The following SLC38A4 variants were observed in gnomAD, a reference collection of about 807,000 sequenced individuals.
SLC38A4 encodes sodium-coupled neutral amino acid transporter 4.
Under a neutral mutation model 63.1 loss-of-function variants are expected in SLC38A4, and 20 were observed. That is an observed-to-expected ratio of 0.32 (90% CI 0.22 to 0.46). The LOEUF (loss-of-function observed/expected upper bound fraction) is 0.46. SLC38A4 is among the 20% of genes least tolerant of loss of function. The pLI is 1.00. For missense variants in SLC38A4, 526 were observed against 663.6 expected, an observed-to-expected ratio of 0.79 and a Z score of 2.28; for synonymous variants, 230 against 225.5, an observed-to-expected ratio of 1.02 and a Z score of -0.18.
intron 5 of SLC38A4, among the ~76,000 whole-genome samples, chr12:46,787,108 C>T (rs893702814): frequency 6.6e-6 from 1 of 152,172 alleles, no homozygotes; most frequent in South Asian, 2.1e-4. Flanking sequence ...ATGCTGCTAC[C>T]CTTAGGCAGC....
intron 2 of SLC38A4, among the ~76,000 whole-genome samples, chr12:46,801,536 G>A (rs1036407606): frequency 5.3e-5 from 8 of 152,040 alleles, no homozygotes; most frequent in African/African-American, 1.9e-4. Context: ...CATCTTTCAT[G>A]CCTACCCAGT....
intron 10 of SLC38A4, 126 bp from the exon 11 acceptor site, chr12:46,778,902 T>A: frequency 2.5e-6 from 2 of 813,522 alleles, no homozygotes; most frequent in Non-Finnish European, 3.8e-6. Flanking sequence ...CCTTTTAGAC[T>A]AATGGACAAA....
intron 1 of SLC38A4, among the ~76,000 whole-genome samples, chr12:46,806,945 A>G (rs1335220493): frequency 3.3e-5 from 5 of 152,098 alleles, no homozygotes; most frequent in Non-Finnish European, 7.4e-5. Context: ...ACCTCCAACA[A>G]TGACCTTAAA....
intron 14 of SLC38A4, among the ~76,000 whole-genome samples, chr12:46,773,047 A>C (rs1460873039): frequency 2.0e-5 from 3 of 152,102 alleles, no homozygotes; most frequent in South Asian, 4.1e-4. Context: ...AAGAAAAAAA[A>C]TTGAATTTAG....
chr12:46,769,204 G>T, intron 15 of SLC38A4, 80 bp downstream of exon 15: 1 of 1,474,552 alleles, frequency 6.8e-7, no homozygotes, highest in South Asian at 1.2e-5. Flanking sequence ...GGATCTGGAT[G>T]ACCCAGCACT....
At chr12:46,802,048 T>C (rs1939141797) in intron 2 of SLC38A4, among the ~76,000 whole-genome samples, 1 of 152,074 alleles carries the variant, frequency 6.6e-6, no homozygotes, top group Non-Finnish European at 1.5e-5. Flanking sequence ...TCTTTTCCCA[T>C]TTCTGAAAAG....
intron 1 of SLC38A4, among the ~76,000 whole-genome samples, chr12:46,807,900 CA>C (rs1428037645): frequency 3.0e-5 from 4 of 133,612 alleles, no homozygotes; most frequent in African/African-American, 8.2e-5. Flanking sequence ...CCCCCCCCCC[CA>C]AAGCCACATA....
chr12:46,803,930 G>T (rs1450754865), intron 1 of SLC38A4, 136 bp from the exon 2 acceptor site: 1 of 152,000 alleles, frequency 6.6e-6, no homozygotes, highest in Non-Finnish European at 1.5e-5. Flanking sequence ...GTTTTAGCTT[G>T]GTTGGTGTCA....
intron 3 of SLC38A4, 98 bp downstream of exon 3, chr12:46,792,855 A>G: frequency 1.2e-6 from 1 of 811,094 alleles, no homozygotes; most frequent in Admixed American, 1.8e-5. Context: ...TCACAAATTT[A>G]CCTGTAATAA....
intron 1 of SLC38A4, among the ~76,000 whole-genome samples, chr12:46,809,379 C>T (rs770161067): frequency 4.6e-5 from 7 of 152,040 alleles, no homozygotes; most frequent in Non-Finnish European, 1.0e-4. Context: ...ATAGTGTCAT[C>T]GACATTTCCT....
intron 1 of SLC38A4, among the ~76,000 whole-genome samples, chr12:46,815,370 A>G (rs553783080): frequency 2.5e-4 from 38 of 150,644 alleles, no homozygotes; most frequent in Admixed American, 1.9e-3. Flanking sequence ...GTAGACTGGT[A>G]AATTAAGACC....
intron 1 of SLC38A4, among the ~76,000 whole-genome samples, chr12:46,818,721 G>T (rs1187171139): frequency 6.6e-6 from 1 of 151,808 alleles, no homozygotes; most frequent in Non-Finnish European, 1.5e-5. Context: ...ATATTTCTAT[G>T]TATATCAGTA....
chr12:46,775,512 C>T (rs1165364135), intron 13 of SLC38A4, among the ~76,000 whole-genome samples: 2 of 151,892 alleles, frequency 1.3e-5, no homozygotes, highest in Non-Finnish European at 2.9e-5. Context: ...AGACCCAAGC[C>T]CCACATATTG....
At chr12:46,774,013 A>G (rs542117686) in intron 14 of SLC38A4, among the ~76,000 whole-genome samples, 2 of 152,128 alleles carry the variant, frequency 1.3e-5, no homozygotes, top group South Asian at 4.1e-4. Context: ...TCTGTCTTGT[A>G]CCCAAGACGG....
intron 14 of SLC38A4, among the ~76,000 whole-genome samples, chr12:46,771,092 G>C: frequency 6.6e-6 from 1 of 152,016 alleles, no homozygotes; most frequent in East Asian, 1.9e-4. Context: ...CTTTGTAAAG[G>C]ATTTTAAAAA....
intron 1 of SLC38A4, among the ~76,000 whole-genome samples, chr12:46,824,814 G>C (rs1459711933): frequency 6.6e-6 from 1 of 152,182 alleles, no homozygotes; most frequent in Non-Finnish European, 1.5e-5. Flanking sequence ...AGATACAGGT[G>C]GAAGTTCTGC....
chr12:46,771,490 A>G (rs1019208609), intron 14 of SLC38A4, among the ~76,000 whole-genome samples: 2 of 152,106 alleles, frequency 1.3e-5, no homozygotes, highest in Non-Finnish European at 2.9e-5. Flanking sequence ...CCTGGCTCCC[A>G]GAAAGATTAA....
intron 14 of SLC38A4, among the ~76,000 whole-genome samples, chr12:46,770,792 T>C (rs1177264569): frequency 6.6e-6 from 1 of 152,168 alleles, no homozygotes. Context: ...TCGGTTAAGC[T>C]AGGAGTTCAC....
intron 1 of SLC38A4, among the ~76,000 whole-genome samples, chr12:46,804,182 C>T (rs776190686): frequency 3.9e-5 from 6 of 152,002 alleles, no homozygotes; most frequent in Admixed American, 6.6e-5. Flanking sequence ...TACTTCCAAA[C>T]GGTACAGTTA....
Sources: gnomAD v4.1 joint callset for allele counts (sites outside exome capture counted in the v4.1 genomes callset) on GRCh38, gnomAD v4.1.1 for gene constraint, MANE v1.5 for transcripts, NCBI Gene and HGNC (gene_info 2026-07-23, HGNC 2026-07-21) for gene names.